The following WHRN variants were observed in gnomAD, a reference collection of about 807,000 sequenced individuals.
WHRN encodes the protein CASK-interacting protein CIP98.
A neutral mutation model predicts 68.3 loss-of-function variants in WHRN; 41 were observed. That is an observed-to-expected ratio of 0.60 (90% CI 0.47 to 0.78). The LOEUF is 0.78. WHRN is among the 30% of genes least tolerant of loss of function. The probability of loss-of-function intolerance (pLI) is 0.00; values close to 1 mark genes in which losing one functional copy is unlikely to be tolerated. For missense variants in WHRN, 1,243 were observed against 1,244.7 expected, an observed-to-expected ratio of 1.00 and a Z score of 0.02; for synonymous variants, 560 against 561.3, an observed-to-expected ratio of 1.00 and a Z score of 0.03.
chr9:114,474,759 C>A (rs949399958), intron 2 of WHRN, among the ~76,000 whole-genome samples: 1 of 152,174 alleles, frequency 6.6e-6, no homozygotes, highest in Non-Finnish European at 1.5e-5. Flanking sequence ...AGAACAAGTC[C>A]TGTGCCACAA....
chr9:114,466,485 G>A (rs1320728230), intron 2 of WHRN, 93 bp from the exon 3 acceptor site: 8 of 1,573,146 alleles, frequency 5.1e-6, no homozygotes, highest in Non-Finnish European at 6.9e-6. Flanking sequence ...ACTTTGAAGA[G>A]CGCATCTTAT....
Position 114,504,613 on chromosome 9 carries a change from G to T in WHRN, c.189C>A (p.Asn63Lys), listed in dbSNP as rs1246924956. Residue 63 changes from asparagine (N) to lysine (K), a missense_variant, in exon 1 of 12, where the codon AAC becomes AAA. Physicochemically the swap from Asn to Lys is moderately conservative, Grantham distance 94 (BLOSUM62 0). Transcript: ENST00000362057. The part of the protein sequence containing the change: ...AEREQFTHCL[N>K]AYHARRNVFD... ...AGACGTTGCGGCGCGCGTGGTAAGC[G>T]TTCAGGCAGTGGGTGAACTGCTCCC... is the stretch of plus-strand genomic sequence containing the variant. 2 of 1,611,032 alleles carry T rather than the reference G, an allele frequency of 1.2e-6. No homozygotes were observed. Among genetic ancestry groups the T allele is most frequent in the Non-Finnish European group, 8.5e-7 (1 of 1,179,380 alleles).
At chr9:114,438,262 C>T (rs1838040424) in intron 3 of WHRN, among the ~76,000 whole-genome samples, 1 of 151,782 alleles carries the variant, frequency 6.6e-6, no homozygotes, top group Non-Finnish European at 1.5e-5. Context: ...AGATTGAGAT[C>T]CTGTCTCAAA....
chr9:114,419,225 T>C (rs535962396), intron 7 of WHRN, among the ~76,000 whole-genome samples: 1 of 152,104 alleles, frequency 6.6e-6, no homozygotes, highest in South Asian at 2.1e-4. Context: ...TCTCTGAGCT[T>C]TGGTTTTCTT....
intron 1 of WHRN, among the ~76,000 whole-genome samples, chr9:114,479,915 T>C (rs933211299): frequency 6.6e-6 from 1 of 151,792 alleles, no homozygotes; most frequent in African/African-American, 2.4e-5. Flanking sequence ...ATACAAAAAT[T>C]AACTGGGCGT....
chr9:114,451,189 A>G (rs1839298328), intron 3 of WHRN, among the ~76,000 whole-genome samples: 2 of 152,220 alleles, frequency 1.3e-5, no homozygotes, highest in Non-Finnish European at 2.9e-5. Context: ...CCAAGGTAAA[A>G]TAGAAAGTCC....
chr9:114,496,992 G>C (rs972792446), intron 1 of WHRN, among the ~76,000 whole-genome samples: 4 of 152,228 alleles, frequency 2.6e-5, no homozygotes, highest in African/African-American at 9.6e-5. Flanking sequence ...CCTAAAGGAA[G>C]ACAGTGTTTC....
intron 3 of WHRN, among the ~76,000 whole-genome samples, chr9:114,440,297 T>C (rs1838257202): frequency 6.6e-6 from 1 of 152,212 alleles, no homozygotes; most frequent in African/African-American, 2.4e-5. Flanking sequence ...AGTGCAGCGA[T>C]GCAATCTTGG....
intron 1 of WHRN, among the ~76,000 whole-genome samples, chr9:114,486,727 G>C (rs1180792945): frequency 1.3e-5 from 2 of 149,334 alleles, no homozygotes; most frequent in East Asian, 3.9e-4. Flanking sequence ...CTGGAGGTAG[G>C]CTGTGGGAAT....
intron 3 of WHRN, among the ~76,000 whole-genome samples, chr9:114,438,459 T>C (rs1838062325): frequency 6.7e-6 from 1 of 148,812 alleles, no homozygotes; most frequent in Non-Finnish European, 1.5e-5. Flanking sequence ...TTTTTCTTTT[T>C]TTTTTTTTTT....
chr9:114,492,712 G>A (rs905743367), intron 1 of WHRN, among the ~76,000 whole-genome samples: 2 of 152,200 alleles, frequency 1.3e-5, no homozygotes, highest in South Asian at 2.1e-4. Flanking sequence ...CAGGCTCAGC[G>A]TGGTGACTCA....
intron 7 of WHRN, among the ~76,000 whole-genome samples, chr9:114,409,658 C>T (rs12684077): frequency 0.12 from 17,674 of 151,646 alleles, 1,451 homozygotes; most frequent in East Asian, 0.42. Context: ...TGGAACACCA[C>T]GGATGTGTCA....
At position 114,504,598 on chromosome 9, in the gene WHRN, G is replaced by A; in HGVS notation, c.204C>T (p.Arg68=). The change falls in exon 1 of 12, where the codon CGC becomes CGT. Residue 68 remains arginine, a synonymous_variant. Transcript: ENST00000362057. ...TGCGCACCAGGTCGAAGACGTTGCG[G>A]CGCGCGTGGTAAGCGTTCAGGCAGT... ...FTHCLNAYHA[R]RNVFDLVRTL... 1 of 1,611,302 alleles carries A rather than the reference G, an allele frequency of 6.2e-7. No homozygotes were observed. Among genetic ancestry groups the A allele is most frequent in the South Asian group, 1.1e-5 (1 of 91,028 alleles).
intron 1 of WHRN, among the ~76,000 whole-genome samples, chr9:114,500,075 A>G (rs185181606): frequency 2.6e-5 from 4 of 152,336 alleles, no homozygotes. Flanking sequence ...CTAGGCATTA[A>G]ATTTTCTAAA....
chr9:114,465,577 G>A (rs1225594923), intron 3 of WHRN, among the ~76,000 whole-genome samples: 2 of 152,174 alleles, frequency 1.3e-5, no homozygotes, highest in African/African-American at 4.8e-5. Flanking sequence ...TTGGTGATGG[G>A]TGTCCTGGGT....
chr9:114,479,437 T>C (rs953300571), intron 1 of WHRN, among the ~76,000 whole-genome samples: 19 of 152,226 alleles, frequency 1.2e-4, no homozygotes, highest in African/African-American at 4.6e-4. Flanking sequence ...CATTCTGCTC[T>C]GTATCCTTTG....
intron 1 of WHRN, among the ~76,000 whole-genome samples, chr9:114,500,094 C>A (rs1175191132): frequency 6.6e-6 from 1 of 152,128 alleles, no homozygotes; most frequent in East Asian, 1.9e-4. Flanking sequence ...AAACCTTGAG[C>A]GTCAGCTTGA....
At chr9:114,477,221 T>C (rs527489348) in intron 2 of WHRN, among the ~76,000 whole-genome samples, 11 of 152,274 alleles carry the variant, frequency 7.2e-5, no homozygotes, top group African/African-American at 2.4e-4. Context: ...AATGTTACAG[T>C]CTTATCGACA....
rs756945772 is a variant in WHRN at position 114,487,337 on chromosome 9, TA to T, written c.619-8567del. Among the ~76,000 whole-genome samples, 26 of 152,068 alleles carry T rather than the reference TA, an allele frequency of 1.7e-4. No individual in the cohort carries two copies. The East Asian group carries it at 5.0e-3, about 29-fold the overall frequency. Reference sequence around the variant, plus strand: ...CTTCCTGACTTGCTCTTGTACTTTATAAACACGTATATATACATATACAAGC... The same window carrying T: ...CTTCCTGACTTGCTCTTGTACTTTATAACACGTATATATACATATACAAGC... On this transcript the variant is annotated intron_variant, in intron 1 of 11. Coordinates refer to ENST00000362057, the MANE Select transcript of WHRN (RefSeq NM_015404.4).
Sources: allele counts gnomAD v4.1 joint callset (sites outside exome capture counted in the v4.1 genomes callset), GRCh38; gene constraint gnomAD v4.1.1; transcripts MANE v1.5; gene names NCBI Gene and HGNC (gene_info 2026-07-23, HGNC 2026-07-21).